Variants in RMST observed in about 807,000 individuals in gnomAD.
RMST encodes long intergenic non-protein coding RNA 54.
intron 10 of RMST, among the ~76,000 whole-genome samples, chr12:97,510,209 A>G (rs1232428816): frequency 2.6e-5 from 4 of 152,244 alleles, no homozygotes; most frequent in African/African-American, 9.6e-5. Flanking sequence ...GAAATGAAGC[A>G]AATGTAGGAT....
At chr12:97,555,857 T>C (rs1381945007) in intron 11 of RMST, among the ~76,000 whole-genome samples, 2 of 152,232 alleles carry the variant, frequency 1.3e-5, no homozygotes, top group African/African-American at 4.8e-5. Context: ...TGACTAGAGA[T>C]AATAAGGTTC....
Position 97,477,105 on chromosome 12 carries a change from G to A in RMST, n.644+11378G>A, listed in dbSNP as rs17027023. Among the ~76,000 whole-genome samples the A allele has an allele frequency of 6.6e-3, 999 of 152,284 alleles. 62 individuals carry two copies. The East Asian group carries it at 0.14, about 22-fold the overall frequency. ...TAAAATAGGAATGGTTAGATGATGAGGGTACGGAGGTGACTTGACTGAGAA... is the reference window on the plus strand; with the variant it reads ...TAAAATAGGAATGGTTAGATGATGAAGGTACGGAGGTGACTTGACTGAGAA... On this transcript the variant is annotated intron_variant and non_coding_transcript_variant, in intron 5 of 13. Coordinates refer to ENST00000640149, the Ensembl canonical transcript of RMST.
chr12:97,549,153 G>A (rs1010530094), intron 11 of RMST, among the ~76,000 whole-genome samples: 1 of 152,092 alleles, frequency 6.6e-6, no homozygotes, highest in Non-Finnish European at 1.5e-5. Flanking sequence ...GCATTCAAAC[G>A]AGGTTCCATA....
At chr12:97,489,427 A>T (rs9308303) in intron 5 of RMST, among the ~76,000 whole-genome samples, 113,744 of 151,364 alleles carry the variant, frequency 0.75, 43,607 homozygotes, top group African/African-American at 0.88. Context: ...AGCCTGGATG[A>T]CATAGAGAGT....
intron 11 of RMST, among the ~76,000 whole-genome samples, chr12:97,534,453 A>G (rs745947269): frequency 2.0e-5 from 3 of 151,760 alleles, no homozygotes; most frequent in African/African-American, 4.8e-5. Context: ...CTAAAGCACA[A>G]AAAGCTAATG....
chr12:97,483,071 T>C (rs1196253703), intron 5 of RMST, among the ~76,000 whole-genome samples: 1 of 152,074 alleles, frequency 6.6e-6, no homozygotes, highest in African/African-American at 2.4e-5. Flanking sequence ...GGCCACTGTA[T>C]GCTATTGTCA....
chr12:97,560,424 GA>G (rs1488234237), intron 11 of RMST: 1 of 152,134 alleles, frequency 6.6e-6, no homozygotes, highest in Non-Finnish European at 1.5e-5. Context: ...AAAGGTAGAA[GA>G]AAAAGAACAC....
intron 11 of RMST, among the ~76,000 whole-genome samples, chr12:97,557,662 G>C (rs1883805319): frequency 6.6e-6 from 1 of 152,148 alleles, no homozygotes; most frequent in African/African-American, 2.4e-5. Flanking sequence ...AAAGTGATTT[G>C]AATCTGGTAG....
intron 11 of RMST, among the ~76,000 whole-genome samples, chr12:97,535,012 AT>A (rs1463784864): frequency 6.6e-6 from 1 of 151,628 alleles, no homozygotes; most frequent in Admixed American, 6.6e-5. Flanking sequence ...AGACTCAAGG[AT>A]TTTCTAGGTT....
intron 11 of RMST, among the ~76,000 whole-genome samples, chr12:97,543,033 G>A (rs1256902022): frequency 2.0e-5 from 3 of 151,972 alleles, no homozygotes; most frequent in Admixed American, 1.3e-4. Flanking sequence ...TTATATCCTC[G>A]TGGTGCATTC....
chr12:97,507,287 T>TAA (rs143392654), intron 10 of RMST, among the ~76,000 whole-genome samples: 3 of 145,562 alleles, frequency 2.1e-5, no homozygotes, highest in Non-Finnish European at 1.5e-5. Context: ...TTTTTTTTTT[T>TAA]AAAAAAAAAA....
chr12:97,496,673 T>G (rs1177817194), intron 10 of RMST, among the ~76,000 whole-genome samples: 2 of 152,274 alleles, frequency 1.3e-5, no homozygotes, highest in East Asian at 3.9e-4. Flanking sequence ...TCTCTTGTGT[T>G]GGATGTCTTT....
At chr12:97,522,992 T>C (rs2136557139) in intron 10 of RMST, among the ~76,000 whole-genome samples, 1 of 152,318 alleles carries the variant, frequency 6.6e-6, no homozygotes, top group East Asian at 1.9e-4. Context: ...CAAATAATAA[T>C]GGAAACTTAG....
rs541738304 is a variant in RMST at position 97,523,842 on chromosome 12, T to C, written n.1341-6813T>C. ...CCTGCAATCCCAGCACTTTGGGAGG[T>C]CGAGGCGGGCGGATCACGAGGTCAG... On this transcript the variant is annotated intron_variant and non_coding_transcript_variant, in intron 10 of 13. Coordinates refer to ENST00000640149, the Ensembl canonical transcript of RMST. Among the ~76,000 whole-genome samples the C allele has an allele frequency of 4.1e-3, 621 of 150,130 alleles. 7 individuals carry two copies. The highest frequency in any genetic ancestry group is 0.024 in the Middle Eastern group (7 of 290).
chr12:97,519,668 G>T (rs1033137299), intron 10 of RMST, among the ~76,000 whole-genome samples: 1 of 152,056 alleles, frequency 6.6e-6, no homozygotes, highest in Non-Finnish European at 1.5e-5. Flanking sequence ...GTTCAGAATC[G>T]GTTCTTATCA....
chr12:97,520,558 A>G (rs1880409531), intron 10 of RMST, among the ~76,000 whole-genome samples: 1 of 152,180 alleles, frequency 6.6e-6, no homozygotes, highest in Admixed American at 6.5e-5. Flanking sequence ...AATTGCCATT[A>G]TAAAACCTAG....
chr12:97,511,006 G>A (rs931784934), intron 10 of RMST, among the ~76,000 whole-genome samples: 2 of 151,968 alleles, frequency 1.3e-5, no homozygotes, highest in Non-Finnish European at 2.9e-5. Context: ...CCACAGTTAC[G>A]AAAATCCAAA....
chr12:97,463,473 G>C (rs1463811762), intron 4 of RMST, among the ~76,000 whole-genome samples: 2 of 152,298 alleles, frequency 1.3e-5, no homozygotes, highest in Non-Finnish European at 2.9e-5. Flanking sequence ...AGTGTGAGCG[G>C]AGCTGAGTGG....
intron 4 of RMST, among the ~76,000 whole-genome samples, chr12:97,463,913 A>G (rs1872873750): frequency 6.6e-6 from 1 of 152,192 alleles, no homozygotes; most frequent in African/African-American, 2.4e-5. Context: ...ACTCAAAATT[A>G]GACTGTAGAG....
Sources: allele counts gnomAD v4.1 joint callset (sites outside exome capture counted in the v4.1 genomes callset), GRCh38; gene constraint gnomAD v4.1.1; transcripts MANE v1.5; gene names NCBI Gene and HGNC (gene_info 2026-07-23, HGNC 2026-07-21).